The following RPF2 variants were observed in gnomAD, a reference collection of about 807,000 sequenced individuals.
RPF2 encodes the protein ribosome production factor 2 homolog.
RPF2 carries 21 observed loss-of-function variants against 38.9 expected under a neutral mutation model. The observed-to-expected ratio is 0.54, with a 90% CI of 0.38 to 0.78. The LOEUF is 0.78. Among genes scored for constraint, RPF2 ranks in the 30% least tolerant of loss-of-function variants. The pLI, the probability that RPF2 is intolerant of heterozygous loss-of-function variation, is 0.00. For synonymous variants in RPF2, 121 were observed against 126.2 expected, an observed-to-expected ratio of 0.96 and a Z score of 0.28; for missense variants, 314 against 358.1, an observed-to-expected ratio of 0.88 and a Z score of 0.99.
chr6:111,014,500 A>C (rs1299369092), intron 7 of RPF2, among the ~76,000 whole-genome samples: 1 of 152,210 alleles, frequency 6.6e-6, no homozygotes, highest in Non-Finnish European at 1.5e-5. Flanking sequence ...ATCTGTGCAC[A>C]TGGAGATAAT....
intron 7 of RPF2, among the ~76,000 whole-genome samples, chr6:111,015,453 G>C (rs1373859823): frequency 6.6e-6 from 1 of 152,034 alleles, no homozygotes; most frequent in African/African-American, 2.4e-5. Context: ...TTTATGCTTT[G>C]ATTTACATTT....
At chr6:111,004,156 A>T (rs957086887) in intron 6 of RPF2, among the ~76,000 whole-genome samples, 1 of 151,430 alleles carries the variant, frequency 6.6e-6, no homozygotes, top group South Asian at 2.1e-4. Flanking sequence ...GGTCTTCATC[A>T]TGTGCATGTG....
intron 6 of RPF2, among the ~76,000 whole-genome samples, chr6:111,004,481 C>T (rs17072224): frequency 0.13 from 19,556 of 151,636 alleles, 1,741 homozygotes; most frequent in East Asian, 0.49. Context: ...TGTGCCCGGC[C>T]GTGACTAGTA....
In RPF2 at chr6:111,025,556, A is replaced by C; in HGVS notation, c.895A>C (p.Lys299Gln). The C allele has an allele frequency of 6.2e-7, 1 of 1,606,892 alleles. No homozygotes were observed. Among genetic ancestry groups the C allele is most frequent in the Non-Finnish European group, 8.5e-7 (1 of 1,178,398 alleles). ...AERITEDHEKKSKRIKKN is the reference protein window; with the variant it reads ...AERITEDHEKQSKRIKKN The stretch of plus-strand genomic sequence containing the variant: ...AAGGATAACAGAAGACCACGAGAAA[A>C]AGTCAAAAAGAATTAAAAAAAATTG... Residue 299 changes from lysine (K) to glutamine (Q), a missense_variant, in exon 10 of 10, where the codon AAG becomes CAG. By Grantham distance (53) the Lys-to-Gln change is moderately conservative. Coordinates refer to ENST00000441448, the MANE Select transcript of RPF2 (RefSeq NM_032194.3).
chr6:110,997,666 A>G (rs1771740012), intron 5 of RPF2, among the ~76,000 whole-genome samples: 1 of 152,176 alleles, frequency 6.6e-6, no homozygotes, highest in Non-Finnish European at 1.5e-5. Context: ...CAGTGAGCCA[A>G]GATGGCGCCA....
chr6:111,006,150 C>CA (rs532827331), intron 6 of RPF2, among the ~76,000 whole-genome samples: 27 of 151,270 alleles, frequency 1.8e-4, no homozygotes, highest in Non-Finnish European at 3.2e-4. Context: ...AGGCTGGTCT[C>CA]AAACTCCTGG....
chr6:110,983,468 C>G (rs1283712973), intron 1 of RPF2, among the ~76,000 whole-genome samples: 1 of 152,110 alleles, frequency 6.6e-6, no homozygotes, highest in African/African-American at 2.4e-5. Flanking sequence ...CTACCTCAGC[C>G]TGCTGAGTAG....
chr6:111,010,439 G>C (rs7752434), intron 7 of RPF2, among the ~76,000 whole-genome samples: 19,650 of 152,074 alleles, frequency 0.13, 1,762 homozygotes, highest in East Asian at 0.5. Context: ...TCCAATTTAA[G>C]AAAATCTTCT....
intron 8 of RPF2, among the ~76,000 whole-genome samples, chr6:111,016,565 C>G (rs141148092): frequency 0.014 from 2,128 of 149,692 alleles, 29 homozygotes; most frequent in Middle Eastern, 0.042. Flanking sequence ...CCACTGCACT[C>G]CAGCCTGGGC....
At position 111,008,112 on chromosome 6, in the gene RPF2, T is replaced by C. The variant is rs1254478671; in HGVS notation, c.468T>C (p.Tyr156=). 6.2e-7 allele frequency: 1 copy of C among 1,603,452 alleles called. No individual in the cohort carries two copies. Among genetic ancestry groups the C allele is most frequent in the African/African-American group, 1.3e-5 (1 of 74,510 alleles). The change falls in exon 7 of 10, where the codon TAT becomes TAC. Residue 156 remains tyrosine (Y), a synonymous_variant. Transcript: ENST00000441448. ...ATGATTTCGATGTAACAGAAGATTATAGAAGACTAAAAAGTCTTCTTATTG... is the reference window on the plus strand; with the variant it reads ...ATGATTTCGATGTAACAGAAGATTACAGAAGACTAAAAAGTCTTCTTATTG... The part of the protein sequence containing the change: ...AGDDFDVTED[Y]RRLKSLLIDF...
chr6:110,995,567 GT>G (rs1329458812), intron 4 of RPF2, among the ~76,000 whole-genome samples: 1 of 152,046 alleles, frequency 6.6e-6, no homozygotes, highest in African/African-American at 2.4e-5. Context: ...TCTTTCATCT[GT>G]TTTTTTCTTT....
chr6:110,982,156 G>A (rs1240973997), intron 1 of RPF2, 27 bp downstream of exon 1: 2 of 1,613,796 alleles, frequency 1.2e-6, no homozygotes, highest in Admixed American at 3.3e-5. Context: ...TCAGCCCCGG[G>A]GAGCGTTGGG....
intron 5 of RPF2, among the ~76,000 whole-genome samples, chr6:110,997,629 A>C (rs1017382134): frequency 6.6e-6 from 1 of 152,072 alleles, no homozygotes; most frequent in African/African-American, 2.4e-5. Context: ...TAGTCCAGCT[A>C]CTCAGGAGGC....
intron 4 of RPF2, among the ~76,000 whole-genome samples, chr6:110,994,278 TAA>T (rs5879084): frequency 2.5e-4 from 34 of 135,248 alleles, no homozygotes; most frequent in East Asian, 8.3e-4. Context: ...TCCATCTCAA[TAA>T]AAAAAAAAAA....
intron 2 of RPF2, among the ~76,000 whole-genome samples, chr6:110,985,667 C>A (rs2095844): frequency 2.6e-5 from 4 of 151,744 alleles, no homozygotes. Flanking sequence ...AGGCCAGGCA[C>A]GGTGGTTCAC....
intron 6 of RPF2, among the ~76,000 whole-genome samples, chr6:111,004,818 C>T (rs909101531): frequency 2.0e-5 from 3 of 152,050 alleles, no homozygotes; most frequent in Non-Finnish European, 4.4e-5. Flanking sequence ...ATCTACCCAC[C>T]TCAGCCTCCC....
At chr6:110,982,888 G>T (rs1771457110) in intron 1 of RPF2, among the ~76,000 whole-genome samples, 1 of 152,192 alleles carries the variant, frequency 6.6e-6, no homozygotes, top group Non-Finnish European at 1.5e-5. Context: ...TAGTTCACAC[G>T]TTAATTGGGA....
chr6:111,027,821 A>G lies in RPF2; in HGVS notation c.*2239A>G, dbSNP rs1293000758. The G allele has an allele frequency of 6.6e-6, 1 of 152,222 alleles. No individual in the cohort carries two copies. The highest frequency in any genetic ancestry group is 2.4e-5 in the African/African-American group (1 of 41,456). The allele number at this position is 152,222 out of a possible 1,614,324, so 9.4% of individuals were successfully genotyped here. A position where few individuals can be genotyped will look rare whatever the true frequency, so the allele number is the denominator to read the frequency against. On this transcript the variant is annotated 3_prime_UTR_variant, in exon 10 of 10. Transcript: ENST00000441448. ...CCAAATAGTATTATTGAAGTCTAAC[A>G]AAGACTTTTTGTTGAGAACACCTTG...
intron 4 of RPF2, among the ~76,000 whole-genome samples, chr6:110,995,610 T>C (rs778166392): frequency 1.3e-5 from 2 of 152,168 alleles, no homozygotes; most frequent in Non-Finnish European, 2.9e-5. Flanking sequence ...CCAATTGATT[T>C]CTGGACTAAA....
Sources: gnomAD v4.1 joint callset for allele counts (sites outside exome capture counted in the v4.1 genomes callset) on GRCh38, gnomAD v4.1.1 for gene constraint, MANE v1.5 for transcripts, NCBI Gene and HGNC (gene_info 2026-07-23, HGNC 2026-07-21) for gene names.